Variants in WASF3 observed in about 807,000 individuals in gnomAD.
WASF3 encodes the protein WASP family member 3, also known as actin-binding protein WASF3.
WASF3 carries 11 observed loss-of-function variants against 46.6 expected under a neutral mutation model. That is an observed-to-expected ratio of 0.24 (90% CI 0.15 to 0.39). The LOEUF is 0.39. Among genes scored for constraint, WASF3 ranks in the 10% least tolerant of loss-of-function variants. The pLI, the probability that WASF3 is intolerant of heterozygous loss-of-function variation, is 1.00. For missense variants in WASF3, 576 were observed against 669.8 expected, an observed-to-expected ratio of 0.86 and a Z score of 1.55; for synonymous variants, 242 against 259.7, an observed-to-expected ratio of 0.93 and a Z score of 0.65.
At chr13:26,636,036 C>G (rs1216690539) in intron 2 of WASF3, among the ~76,000 whole-genome samples, 5 of 152,244 alleles carry the variant, frequency 3.3e-5, no homozygotes, top group African/African-American at 4.8e-5. Flanking sequence ...AACCACTGCT[C>G]TCTTCAGAGC....
rs776985612 is a variant in WASF3 at position 26,681,303 on chromosome 13, G to A, written c.966G>A (p.Met322Ile). The A allele has an allele frequency of 1.8e-5, 29 of 1,599,826 alleles. No individual in the cohort carries two copies. In the Middle Eastern group the frequency reaches 8.3e-4, roughly 46 times the overall value. ...AGGGGTCCCAGGCCTCTGCACCGAT[G>A]GCTCCAGCAGACTACGGGTAACTCA... ...APEGSQASAP[M>I]APADYGMLPA... The change falls in exon 8 of 10, where the codon ATG becomes ATA. Residue 322 changes from methionine (M) to isoleucine (I), a missense_variant. Physicochemically the swap from Met to Ile is conservative, Grantham distance 10. Coordinates refer to ENST00000335327, the MANE Select transcript of WASF3 (RefSeq NM_006646.6).
intron 3 of WASF3, among the ~76,000 whole-genome samples, chr13:26,646,045 C>G (rs1441823489): frequency 6.6e-6 from 1 of 152,200 alleles, no homozygotes; most frequent in Non-Finnish European, 1.5e-5. Context: ...AAGTTAACCA[C>G]ATTTATAATT....
At chr13:26,567,541 G>C (rs1346828705) in intron 1 of WASF3, among the ~76,000 whole-genome samples, 3 of 152,152 alleles carry the variant, frequency 2.0e-5, no homozygotes, top group Non-Finnish European at 4.4e-5. Flanking sequence ...TGATATAGGG[G>C]TAAGTGGTGG....
rs116745380 is a variant in WASF3 at position 26,573,545 on chromosome 13, T to C, written c.-109+15726T>C. On this transcript the variant is annotated intron_variant, in intron 1 of 9. Coordinates refer to ENST00000335327, the MANE Select transcript of WASF3 (RefSeq NM_006646.6). ...TGTTCTATGGACTCTGATGTATAGGTTCTCATTATCTCTCAGAAATTCAGT... is the reference window on the plus strand; with the variant it reads ...TGTTCTATGGACTCTGATGTATAGGCTCTCATTATCTCTCAGAAATTCAGT... Among the ~76,000 whole-genome samples, 1,268 of 152,246 alleles carry C rather than the reference T, an allele frequency of 8.3e-3. 19 individuals are homozygous for C. Among genetic ancestry groups the C allele is most frequent in the African/African-American group, 0.029 (1,216 of 41,544 alleles).
At chr13:26,657,153 A>AT (rs2137445747) in intron 3 of WASF3, among the ~76,000 whole-genome samples, 1 of 152,346 alleles carries the variant, frequency 6.6e-6, no homozygotes, top group South Asian at 2.1e-4. Flanking sequence ...TGCCAGCAGA[A>AT]TTTCAACAAA....
upstream of WASF3, among the ~76,000 whole-genome samples, chr13:26,553,453 A>C (rs1666111993): frequency 6.6e-6 from 1 of 151,854 alleles, no homozygotes; most frequent in African/African-American, 2.4e-5. Context: ...TTTATTTTGG[A>C]GATATATGCT....
intron 1 of WASF3, among the ~76,000 whole-genome samples, chr13:26,587,887 T>A (rs1202448726): frequency 6.6e-6 from 1 of 152,166 alleles, no homozygotes; most frequent in Non-Finnish European, 1.5e-5. Context: ...GACCAAAAGT[T>A]TTTTTTGTCT....
intron 4 of WASF3, among the ~76,000 whole-genome samples, chr13:26,666,928 A>G (rs556541793): frequency 6.6e-6 from 1 of 151,906 alleles, no homozygotes; most frequent in South Asian, 2.1e-4. Flanking sequence ...GTGCTGTACA[A>G]GCACAAGAAA....
At position 26,671,972 on chromosome 13, in the gene WASF3, G is replaced by A. The variant is rs778819000; in HGVS notation, c.523G>A (p.Glu175Lys). 4 of 1,607,472 alleles carry A rather than the reference G, an allele frequency of 2.5e-6. No individual in the cohort carries two copies. The highest frequency in any genetic ancestry group is 2.7e-5 in the African/African-American group (2 of 74,674). ...ACAGGACACAGAAGACAAAAGGAAA[G>A]AGAAAAGGCGTCAAAAGGTAAATAA... ...MLQDTEDKRK[E>K]KRRQKEQKRI... Residue 175 changes from glutamate to lysine, a missense_variant, in exon 6 of 10, where the codon GAG becomes AAG. This residue lies in a region of WASF3 where 213 missense variants were observed against 278.0 expected (regional missense o/e 0.77). Transcript: ENST00000335327.
At chr13:26,662,140 A>G (rs1275609868) in intron 3 of WASF3, among the ~76,000 whole-genome samples, 2 of 152,234 alleles carry the variant, frequency 1.3e-5, no homozygotes, top group African/African-American at 4.8e-5. Context: ...TAAAAAGTCA[A>G]AAAATAACAG....
Position 26,682,854 on chromosome 13 carries a change from G to T in WASF3, c.1231G>T (p.Gly411Trp). ...TCCCCCGCCAGGCCCTCCTGGTCCCGGGTCTTCTCTTTCGTCCTCCCCAAT... is the reference window on the plus strand; with the variant it reads ...TCCCCCGCCAGGCCCTCCTGGTCCCTGGTCTTCTCTTTCGTCCTCCCCAAT... ...PPPPPGPPGPGSSLSSSPMHG... is the reference protein window; with the variant it reads ...PPPPPGPPGPWSSLSSSPMHG... The change falls in exon 9 of 10, where the codon GGG becomes TGG. Residue 411 changes from glycine to tryptophan, a missense_variant. By Grantham distance (184) the Gly-to-Trp change is radical. This residue lies in a region of WASF3 where 295 missense variants were observed against 291.5 expected (regional missense o/e 1.01). Coordinates refer to ENST00000335327, the MANE Select transcript of WASF3 (RefSeq NM_006646.6). The surrounding 1 kb of genome is among the most constrained non-coding windows in gnomAD (Gnocchi z 4.4). 1 of 1,607,632 alleles carries T rather than the reference G, an allele frequency of 6.2e-7. No individual in the cohort carries two copies. Among genetic ancestry groups the T allele is most frequent in the Non-Finnish European group, 8.5e-7 (1 of 1,179,044 alleles).
intron 3 of WASF3, among the ~76,000 whole-genome samples, chr13:26,658,729 A>G (rs1176132306): frequency 1.3e-5 from 2 of 151,962 alleles, no homozygotes; most frequent in Admixed American, 6.5e-5. Context: ...CAGAACTCCA[A>G]CTCTCCTAGA....
chr13:26,618,277 T>C (rs1196742600), intron 2 of WASF3, among the ~76,000 whole-genome samples: 2 of 152,234 alleles, frequency 1.3e-5, no homozygotes, highest in Non-Finnish European at 2.9e-5. Context: ...TATCTTCTAG[T>C]TGTTTGTACG....
chr13:26,671,536 G>A (rs1388500839), intron 5 of WASF3, among the ~76,000 whole-genome samples: 1 of 151,892 alleles, frequency 6.6e-6, no homozygotes, highest in Admixed American at 6.6e-5. Flanking sequence ...GCCCCATGTT[G>A]GAATAAGCAA....
intron 1 of WASF3, among the ~76,000 whole-genome samples, chr13:26,558,728 A>G (rs1879186791): frequency 6.6e-6 from 1 of 152,186 alleles, no homozygotes; most frequent in South Asian, 2.1e-4. Context: ...GTTAATTTTT[A>G]AATTAGCGGT....
At chr13:26,634,245 C>A (rs1881746278) in intron 2 of WASF3, among the ~76,000 whole-genome samples, 2 of 152,178 alleles carry the variant, frequency 1.3e-5, no homozygotes, top group South Asian at 4.1e-4. Flanking sequence ...TATGTAATGG[C>A]CTTCTTTGTC....
Position 26,666,214 on chromosome 13 carries a change from A to G in WASF3, c.268+1052A>G, listed in dbSNP as rs186191387. Among the ~76,000 whole-genome samples, 1,255 of 152,348 alleles carry G rather than the reference A, an allele frequency of 8.2e-3. 7 individuals are homozygous for G. The highest frequency in any genetic ancestry group is 0.024 in the Middle Eastern group (7 of 294). ...ACAATAAGTATTAGTTGGTCTGTTC[A>G]GGTAAGGAATTCTTAACATTTTAAA... is the stretch of plus-strand genomic sequence containing the variant. On this transcript the variant is annotated intron_variant, in intron 4 of 9. Transcript: ENST00000335327.
rs569641292 is a variant in WASF3 at position 26,593,160 on chromosome 13, G to C, written c.-108-19801G>C. Among the ~76,000 whole-genome samples the C allele has an allele frequency of 3.9e-5, 6 of 152,184 alleles. 1 individual carries two copies. In the South Asian group the frequency reaches 1.2e-3, roughly 32 times the overall value. ...GTTGTACTGTAATGAAAGTGGAAAT[G>C]TAAAAAATATCATCTTAGCTTGTTT... is the stretch of plus-strand genomic sequence containing the variant. On this transcript the variant is annotated intron_variant, in intron 1 of 9. Coordinates refer to ENST00000335327, the MANE Select transcript of WASF3 (RefSeq NM_006646.6).
At chr13:26,669,844 C>CT (rs60437446) in intron 5 of WASF3, among the ~76,000 whole-genome samples, 44,235 of 152,020 alleles carry the variant, frequency 0.29, 6,699 homozygotes, top group South Asian at 0.39. Flanking sequence ...TGTTTAGAAG[C>CT]TATAGGAAAC....
Sources: allele counts gnomAD v4.1 joint callset (sites outside exome capture counted in the v4.1 genomes callset), GRCh38; gene constraint gnomAD v4.1.1; regional missense constraint gnomAD v4.1.1; non-coding constraint Gnocchi (gnomAD v3.1); transcripts MANE v1.5; gene names NCBI Gene and HGNC (gene_info 2026-07-23, HGNC 2026-07-21).